The following PIERCE1 variants were observed in gnomAD, a reference collection of about 807,000 sequenced individuals.
PIERCE1 encodes piercer of microtubule wall 1 protein.
chr9:135,499,802 G>A, the PIERCE1 span: 1 of 1,603,650 alleles, frequency 6.2e-7, no homozygotes, highest in Non-Finnish European at 8.5e-7. Flanking sequence ...CGGGGCCGTG[G>A]CCTTGGGCGC....
At chr9:135,499,524 T>G in the PIERCE1 span, 2 of 835,622 alleles carry the variant, frequency 2.4e-6, no homozygotes, top group African/African-American at 1.7e-5. Context: ...TATCCCCACT[T>G]CCTTGTATGA....
chr9:135,497,234 C>T, the PIERCE1 span, among the ~76,000 whole-genome samples: 1 of 152,162 alleles, frequency 6.6e-6, no homozygotes, highest in Non-Finnish European at 1.5e-5. Flanking sequence ...AGGAGGAGAA[C>T]CTCCTTGGAA....
chr9:135,498,839 C>A, the PIERCE1 span: 7 of 629,086 alleles, frequency 1.1e-5, no homozygotes, highest in Non-Finnish European at 2.0e-5. This position sits in a 1 kb window ranked among gnomAD's most constrained non-coding sequence, Gnocchi z 4.1. Context: ...GATGACCGTT[C>A]TGAATGGCCC....
the PIERCE1 span, among the ~76,000 whole-genome samples, chr9:135,497,095 C>G: frequency 6.6e-6 from 1 of 152,208 alleles, no homozygotes; most frequent in African/African-American, 2.4e-5. Flanking sequence ...CCACGCCCAG[C>G]CTTTCAGTGC....
At chr9:135,499,580 G>T in the PIERCE1 span, 1 of 1,268,434 alleles carries the variant, frequency 7.9e-7, no homozygotes, top group Non-Finnish European at 1.1e-6. Context: ...CGATGACAGC[G>T]CGGGCCCCGG....
the PIERCE1 span, chr9:135,495,345 C>T: frequency 1.5e-6 from 2 of 1,303,702 alleles, no homozygotes; most frequent in Non-Finnish European, 1.1e-6. Flanking sequence ...CCGTCACAAT[C>T]GGGCGACTGT....
the PIERCE1 span, chr9:135,495,622 G>A: frequency 1.2e-6 from 2 of 1,605,318 alleles, no homozygotes; most frequent in South Asian, 2.2e-5. Flanking sequence ...CTTTCTATAA[G>A]AGATAAAGGA....
At chr9:135,498,787 T>G in the PIERCE1 span, 1 of 848,084 alleles carries the variant, frequency 1.2e-6, no homozygotes, top group Non-Finnish European at 1.9e-6. This position sits in a 1 kb window ranked among gnomAD's most constrained non-coding sequence, Gnocchi z 4.1. Context: ...ATGCCCGGGC[T>G]GGTGATGTGG....
chr9:135,499,829 G>A, the PIERCE1 span: 8 of 1,594,812 alleles, frequency 5.0e-6, no homozygotes, highest in Non-Finnish European at 6.8e-6. Flanking sequence ...CTCCGCGCAC[G>A]CTCTGGGGCA....
At chr9:135,499,671 A>T in the PIERCE1 span, 50 of 1,600,378 alleles carry the variant, frequency 3.1e-5, no homozygotes, top group African/African-American at 6.1e-4. Context: ...GCTATCGAGC[A>T]GTGGACGCCA....
the PIERCE1 span, among the ~76,000 whole-genome samples, chr9:135,498,313 A>G: frequency 6.6e-6 from 1 of 152,028 alleles, no homozygotes; most frequent in African/African-American, 2.4e-5. This position sits in a 1 kb window ranked among gnomAD's most constrained non-coding sequence, Gnocchi z 4.1. Context: ...GGTTGGGTGT[A>G]TGGGGGCAGG....
At chr9:135,499,804 C>CT in the PIERCE1 span, 4 of 1,604,024 alleles carry the variant, frequency 2.5e-6, no homozygotes, top group Admixed American at 6.8e-5. Context: ...GGGCCGTGGC[C>CT]TTGGGCGCCA....
At chr9:135,496,480 T>G in the PIERCE1 span, among the ~76,000 whole-genome samples, 1 of 152,254 alleles carries the variant, frequency 6.6e-6, no homozygotes. Context: ...GAGGATCCTG[T>G]GCCACGCACA....
At chr9:135,495,479 C>A in the PIERCE1 span, 1 of 1,614,004 alleles carries the variant, frequency 6.2e-7, no homozygotes, top group South Asian at 1.1e-5. Flanking sequence ...GAAGTTGAGC[C>A]GGTCACAGGA....
chr9:135,497,123 A>ATT, the PIERCE1 span, among the ~76,000 whole-genome samples: 1 of 152,106 alleles, frequency 6.6e-6, no homozygotes, highest in Non-Finnish European at 1.5e-5. Context: ...AATGCAAAGC[A>ATT]TTTATCTTCT....
At chr9:135,499,379 T>C in the PIERCE1 span, 1 of 587,828 alleles carries the variant, frequency 1.7e-6, no homozygotes. Context: ...AGCAAGACAG[T>C]GGAGGTGCTG....
the PIERCE1 span, chr9:135,495,557 A>C: frequency 6.2e-7 from 1 of 1,614,170 alleles, no homozygotes; most frequent in Non-Finnish European, 8.5e-7. Context: ...ATTGTTCCGG[A>C]ACATTCCACC....
the PIERCE1 span, among the ~76,000 whole-genome samples, chr9:135,496,037 G>C: frequency 1.3e-5 from 2 of 152,262 alleles, no homozygotes; most frequent in Non-Finnish European, 2.9e-5. Flanking sequence ...AACTGGGGCT[G>C]GGTGCGGTGG....
chr9:135,499,836 G>A, the PIERCE1 span: 5 of 1,590,746 alleles, frequency 3.1e-6, no homozygotes, highest in Non-Finnish European at 4.3e-6. Context: ...CACGCTCTGG[G>A]GCATTCCTCA....
Sources: gnomAD v4.1 joint callset for allele counts (sites outside exome capture counted in the v4.1 genomes callset) on GRCh38, gnomAD v4.1.1 for gene constraint, Gnocchi (gnomAD v3.1) non-coding constraint, MANE v1.5 for transcripts, NCBI Gene and HGNC (gene_info 2026-07-23, HGNC 2026-07-21) for gene names.